Variants in LRBA observed in about 807,000 individuals in gnomAD.
LRBA encodes LPS responsive beige-like anchor protein.
A neutral mutation model predicts 330.0 loss-of-function variants in LRBA; 176 were observed. That is an observed-to-expected ratio of 0.53 (90% confidence interval 0.47 to 0.60). The LOEUF (loss-of-function observed/expected upper bound fraction) is 0.60, where lower values mean the gene tolerates loss of function less well. Among genes scored for constraint, LRBA ranks in the 20% least tolerant of loss-of-function variants. The pLI is 0.00. For synonymous variants in LRBA, 1,230 were observed against 1,193.0 expected, an observed-to-expected ratio of 1.03 and a Z score of -0.64; for missense variants, 3,259 against 3,444.8, an observed-to-expected ratio of 0.95 and a Z score of 1.35.
At chr4:150,783,447 C>T (rs950794932) in intron 34 of LRBA, among the ~76,000 whole-genome samples, 6 of 152,042 alleles carry the variant, frequency 3.9e-5, no homozygotes, top group African/African-American at 1.2e-4. Context: ...AAAAAGAAAC[C>T]AAAATTAAAT....
intron 40 of LRBA, among the ~76,000 whole-genome samples, chr4:150,546,460 G>A (rs538675555): frequency 3.3e-5 from 5 of 152,206 alleles, no homozygotes; most frequent in South Asian, 2.1e-4. Flanking sequence ...ACCATAATAC[G>A]GATTAAACTT....
At chr4:150,335,258 G>C (rs1734508072) in intron 48 of LRBA, among the ~76,000 whole-genome samples, 1 of 151,684 alleles carries the variant, frequency 6.6e-6, no homozygotes, top group Admixed American at 6.6e-5. Flanking sequence ...TCTGATAATG[G>C]AATACTATGC....
chr4:150,746,842 G>A lies in LRBA; in HGVS notation c.5646-11476C>T, dbSNP rs143271091. Among the ~76,000 whole-genome samples the A allele has an allele frequency of 3.3e-5, 5 of 152,098 alleles. No individual in the cohort carries two copies. The East Asian group carries it at 9.7e-4, about 29-fold the overall frequency. ...GTTTTTCTTTGTAACCTTTTCCGGT[G>A]CCCTTCACTGGAAACTCACTGGAAC... On this transcript the variant is annotated intron_variant, in intron 35 of 56. Coordinates refer to ENST00000651943, the MANE Select transcript of LRBA (RefSeq NM_001364905.1).
At chr4:150,564,687 C>T (rs939912039) in intron 40 of LRBA, among the ~76,000 whole-genome samples, 3 of 151,954 alleles carry the variant, frequency 2.0e-5, no homozygotes, top group South Asian at 2.1e-4. Flanking sequence ...AACAAATTTA[C>T]GAGAAAAAAA....
intron 40 of LRBA, chr4:150,584,027 C>T (rs775358183): frequency 1.9e-6 from 3 of 1,613,330 alleles, no homozygotes; most frequent in South Asian, 1.1e-5. Context: ...AAGCCCCATT[C>T]GGCCCTGGAG....
chr4:151,005,192 A>T (rs1743868510), intron 2 of LRBA, among the ~76,000 whole-genome samples: 1 of 151,972 alleles, frequency 6.6e-6, no homozygotes, highest in African/African-American at 2.4e-5. Context: ...CACGCCTGTA[A>T]TCCAGCACTT....
At chr4:150,281,396 C>G (rs577941322) in intron 55 of LRBA, among the ~76,000 whole-genome samples, 3 of 152,120 alleles carry the variant, frequency 2.0e-5, no homozygotes, top group Non-Finnish European at 4.4e-5. Flanking sequence ...TCCACTGAAT[C>G]AAGAAATGAA....
At chr4:150,653,545 T>G (rs1156236337) in intron 37 of LRBA, among the ~76,000 whole-genome samples, 1 of 152,120 alleles carries the variant, frequency 6.6e-6, no homozygotes, top group East Asian at 1.9e-4. Context: ...AGCCAATTAT[T>G]TTCACTGGCA....
Position 150,908,477 on chromosome 4 carries a change from T to C in LRBA, c.1360-10A>G. ...AAACTGCCTTTACATCCTTGTAAGA[T>C]CAAAAACACAGTAAAGAGTTCAATG... On this transcript the variant is annotated splice_polypyrimidine_tract_variant and intron_variant, in intron 10 of 56. Transcript: ENST00000651943. 1 of 1,580,906 alleles carries C rather than the reference T, an allele frequency of 6.3e-7. No individual in the cohort carries two copies. The highest frequency in any genetic ancestry group is 8.6e-7 in the Non-Finnish European group (1 of 1,169,312).
intron 48 of LRBA, among the ~76,000 whole-genome samples, chr4:150,346,628 G>A (rs1450009638): frequency 6.6e-6 from 1 of 151,532 alleles, no homozygotes; most frequent in African/African-American, 2.4e-5. Context: ...GCATGGTGGT[G>A]CATGCCTGTA....
chr4:150,530,125 T>C (rs1763903827), intron 40 of LRBA, among the ~76,000 whole-genome samples: 1 of 152,342 alleles, frequency 6.6e-6, no homozygotes, highest in South Asian at 2.1e-4. Flanking sequence ...GGTGTTGTCA[T>C]ATATACTCTT....
rs755276200 is a variant in LRBA at position 150,852,127 on chromosome 4, T to C, written c.3583A>G (p.Thr1195Ala). 6.8e-6 allele frequency: 11 copies of C among 1,614,000 alleles called. No individual in the cohort carries two copies. Among genetic ancestry groups the C allele is most frequent in the African/African-American group, 4.0e-5 (3 of 74,952 alleles). Residue 1195 changes from threonine to alanine, a missense_variant, in exon 23 of 57, where the codon ACT becomes GCT. Coordinates refer to ENST00000651943, the MANE Select transcript of LRBA (RefSeq NM_001364905.1). ...GATTCTACAGCTATTTGGGAAACAG[T>C]AGTTTCTGGTGACATAGCTGAAGAC... ...SGSSAMSPET[T>A]VSQIAVESDL...
intron 2 of LRBA, among the ~76,000 whole-genome samples, chr4:150,954,188 T>TGG (rs1182607833): frequency 2.8e-5 from 4 of 145,352 alleles, no homozygotes; most frequent in African/African-American, 1.0e-4. Flanking sequence ...GTCCAGAAGG[T>TGG]GGGGGGCCCC....
At chr4:150,498,091 C>G (rs1325809619) in intron 40 of LRBA, among the ~76,000 whole-genome samples, 1 of 152,152 alleles carries the variant, frequency 6.6e-6, no homozygotes, top group Non-Finnish European at 1.5e-5. Flanking sequence ...ACAGAACACT[C>G]TTTGATACAT....
At chr4:150,886,759 A>C (rs1728982667) in intron 17 of LRBA, among the ~76,000 whole-genome samples, 1 of 152,234 alleles carries the variant, frequency 6.6e-6, no homozygotes, top group South Asian at 2.1e-4. Flanking sequence ...AACAGGGCCC[A>C]GAGTTATGCT....
chr4:150,715,824 T>C (rs927047323), intron 36 of LRBA, among the ~76,000 whole-genome samples: 4 of 152,324 alleles, frequency 2.6e-5, no homozygotes, highest in Middle Eastern at 3.4e-3. Flanking sequence ...AAAGACTGCA[T>C]TGATATTGCT....
chr4:150,972,274 T>C (rs903125771), intron 2 of LRBA, among the ~76,000 whole-genome samples: 2 of 152,118 alleles, frequency 1.3e-5, no homozygotes, highest in Non-Finnish European at 2.9e-5. Flanking sequence ...AAGCCAGTAT[T>C]TAAATAGCTT....
At chr4:150,460,179 TG>T (rs1424254903) in intron 44 of LRBA, among the ~76,000 whole-genome samples, 2 of 151,834 alleles carry the variant, frequency 1.3e-5, no homozygotes, top group African/African-American at 2.4e-5. Context: ...GATAAAGAAG[TG>T]CTGTCTGATC....
intron 40 of LRBA, among the ~76,000 whole-genome samples, chr4:150,554,251 G>A (rs1039630743): frequency 2.0e-5 from 3 of 152,072 alleles, no homozygotes; most frequent in African/African-American, 4.8e-5. Context: ...GGGGAAAGAG[G>A]GGTAAGATAG....
Sources: gnomAD v4.1 joint callset for allele counts (sites outside exome capture counted in the v4.1 genomes callset) on GRCh38, gnomAD v4.1.1 for gene constraint, MANE v1.5 for transcripts, NCBI Gene and HGNC (gene_info 2026-07-23, HGNC 2026-07-21) for gene names.